The following CTBP2 variants were observed in gnomAD, a reference collection of about 807,000 sequenced individuals.
CTBP2 encodes C-terminal binding protein 2.
CTBP2 carries 30 observed loss-of-function variants against 80.3 expected under a neutral mutation model. The observed-to-expected ratio is 0.37, with a 90% CI of 0.28 to 0.51. CTBP2 has a LOEUF of 0.51. CTBP2 is among the 20% of genes least tolerant of loss of function. The pLI, the probability that CTBP2 is intolerant of heterozygous loss-of-function variation, is 0.93. For missense variants in CTBP2, 1,212 were observed against 1,375.3 expected, an observed-to-expected ratio of 0.88 and a Z score of 1.88; for synonymous variants, 594 against 587.4, an observed-to-expected ratio of 1.01 and a Z score of -0.16.
At position 125,026,780 on chromosome 10, in the gene CTBP2, G is replaced by A. The variant is rs151151551; in HGVS notation, c.980C>T (p.Ala327Val). 161 of 1,613,106 alleles carry A rather than the reference G, an allele frequency of 1.0e-4. 1 individual carries two copies. Among genetic ancestry groups the A allele is most frequent in the Middle Eastern group, 1.7e-4 (1 of 6,060 alleles). ...GTTGGGTGCGACAGACTTGATATCCGCGTCCTCCAGGGTAGCCAGGACGGC... is the reference window on the plus strand; with the variant it reads ...GTTGGGTGCGACAGACTTGATATCCACGTCCTCCAGGGTAGCCAGGACGGC... Residue 327 changes from alanine to valine, a missense_variant, in exon 1 of 9, where the codon GCG becomes GTG. Ala to Val is a moderately conservative substitution (Grantham distance 64). Transcript: ENST00000309035.
chr10:125,054,671 A>T (rs764994012), intron 2 of CTBP2, among the ~76,000 whole-genome samples: 3 of 152,188 alleles, frequency 2.0e-5, no homozygotes, highest in Non-Finnish European at 4.4e-5. Context: ...CTTTACACAA[A>T]CTATCACACT....
At chr10:125,146,368 T>A (rs771687975) in intron 1 of CTBP2, among the ~76,000 whole-genome samples, 5 of 151,338 alleles carry the variant, frequency 3.3e-5, no homozygotes, top group Non-Finnish European at 5.9e-5. Flanking sequence ...GCAACCTCTG[T>A]CTCCAGAGTT....
intron 1 of CTBP2, among the ~76,000 whole-genome samples, chr10:125,154,895 A>C (rs1407563698): frequency 6.6e-6 from 1 of 152,210 alleles, no homozygotes. Context: ...GCAAAAACTT[A>C]TTTTAGCTGC....
intron 2 of CTBP2, among the ~76,000 whole-genome samples, chr10:125,086,488 G>A (rs1326410617): frequency 3.3e-5 from 5 of 151,946 alleles, no homozygotes; most frequent in South Asian, 2.1e-4. Context: ...GCTGGTAATC[G>A]GCTGTAATCC....
intron 1 of CTBP2, among the ~76,000 whole-genome samples, chr10:125,142,692 T>C (rs1346054468): frequency 2.6e-5 from 4 of 152,216 alleles, no homozygotes; most frequent in Non-Finnish European, 2.9e-5. Context: ...ACTTGCTTTA[T>C]GCAGTGAACT....
intron 1 of CTBP2, among the ~76,000 whole-genome samples, chr10:125,012,546 C>T (rs891570735): frequency 3.9e-5 from 6 of 152,230 alleles, no homozygotes; most frequent in African/African-American, 9.6e-5. Flanking sequence ...CACTCCCCCA[C>T]CTGCCTGTGC....
chr10:125,003,605 C>T (rs1954836950), intron 1 of CTBP2, 113 bp from the exon 4 acceptor site: 8 of 837,640 alleles, frequency 9.6e-6, no homozygotes, highest in Admixed American at 3.6e-5. Context: ...GCGAGGGTGG[C>T]GGAGCAGCGA....
At chr10:124,998,478 G>A in intron 3 of CTBP2, 1 of 419,052 alleles carries the variant, frequency 2.4e-6, no homozygotes, top group Non-Finnish European at 4.4e-6. Flanking sequence ...CTTGCACTGA[G>A]TCCCAAGAAA....
intron 1 of CTBP2, among the ~76,000 whole-genome samples, chr10:125,116,186 AACC>A (rs1336699332): frequency 6.6e-6 from 1 of 151,994 alleles, no homozygotes; most frequent in East Asian, 1.9e-4. Context: ...CTGTTGCCCA[AACC>A]ACCGAATGAC....
upstream of CTBP2, among the ~76,000 whole-genome samples, chr10:125,030,038 C>G (rs1008834982): frequency 6.6e-6 from 1 of 152,124 alleles, no homozygotes; most frequent in South Asian, 2.1e-4. Flanking sequence ...CAAACTCGCA[C>G]AGCCTTGGCT....
intron 2 of CTBP2, among the ~76,000 whole-genome samples, chr10:125,064,042 AT>A (rs1423858276): frequency 4.1e-5 from 5 of 121,332 alleles, no homozygotes; most frequent in Non-Finnish European, 7.1e-5. Flanking sequence ...GAATCCAGTT[AT>A]TTAAAATGCA....
intron 1 of CTBP2, among the ~76,000 whole-genome samples, chr10:125,126,779 C>T (rs558275393): frequency 6.6e-6 from 1 of 152,350 alleles, no homozygotes; most frequent in East Asian, 1.9e-4. Flanking sequence ...ATAGCTATTT[C>T]CACATTTCCA....
In CTBP2 at chr10:124,989,513, C is replaced by G. The variant is rs1282218911; in HGVS notation, c.*5G>C. 1 of 1,612,260 alleles carries G rather than the reference C, an allele frequency of 6.2e-7. No individual in the cohort carries two copies. ...ATCTGAGTGATTACCTTCTGGCATT[C>G]TCTGCTATTGCTCGTTGGGGTGCTC... On this transcript the variant is annotated 3_prime_UTR_variant, in exon 9 of 9. Transcript: ENST00000309035.
chr10:125,160,160 A>T, intron 1 of CTBP2, 159 bp downstream of exon 1: 1 of 148,796 alleles, frequency 6.7e-6, no homozygotes, highest in Non-Finnish European at 1.5e-5. Flanking sequence ...CGGACCAAAG[A>T]TGTCCTCGGA....
At chr10:125,093,862 G>C (rs1184927854) in intron 2 of CTBP2, among the ~76,000 whole-genome samples, 2 of 152,216 alleles carry the variant, frequency 1.3e-5, no homozygotes, top group South Asian at 2.1e-4. Context: ...GGAAAACCCG[G>C]GTGTTTGATT....
At chr10:125,135,485 C>G (rs1432039355) in intron 1 of CTBP2, among the ~76,000 whole-genome samples, 1 of 152,190 alleles carries the variant, frequency 6.6e-6, no homozygotes, top group African/African-American at 2.4e-5. Flanking sequence ...AGGCAGGAAG[C>G]CTCAAGAGGT....
chr10:124,997,997 T>C lies in CTBP2; in HGVS notation c.2152A>G (p.Ile718Val). Residue 718 changes from isoleucine (I) to valine (V), a missense_variant, in exon 4 of 9, where the codon ATC (isoleucine) becomes GTC (valine). Physicochemically the swap from Ile to Val is conservative, Grantham distance 29. Transcript: ENST00000309035. ...ATGAGGCCCAGCGTCTCCCCACGGA[T>C]GCGGGCCGCTCCCGAGGCCACCTCG... 6.2e-7 allele frequency: 1 copy of C among 1,612,940 alleles called. No individual in the cohort carries two copies. The highest frequency in any genetic ancestry group is 8.5e-7 in the Non-Finnish European group (1 of 1,179,922).
chr10:125,070,259 G>A (rs1845262081), intron 2 of CTBP2, among the ~76,000 whole-genome samples: 1 of 152,118 alleles, frequency 6.6e-6, no homozygotes, highest in African/African-American at 2.4e-5. Context: ...GCTGAGGCAG[G>A]AGAATCCCTT....
chr10:125,015,495 G>C (rs115849979), intron 1 of CTBP2, among the ~76,000 whole-genome samples: 1 of 152,168 alleles, frequency 6.6e-6, no homozygotes, highest in Non-Finnish European at 1.5e-5. Flanking sequence ...CCCCTGCCTC[G>C]CTGGGGCCAC....
Sources: gnomAD v4.1 joint callset for allele counts (sites outside exome capture counted in the v4.1 genomes callset) on GRCh38, gnomAD v4.1.1 for gene constraint, MANE v1.5 for transcripts, NCBI Gene and HGNC (gene_info 2026-07-23, HGNC 2026-07-21) for gene names.